Variants in STXBP5L observed in about 807,000 individuals in gnomAD.
STXBP5L encodes syntaxin-binding protein 5-like.
A neutral mutation model predicts 144.5 loss-of-function variants in STXBP5L; 65 were observed. That is an observed-to-expected ratio of 0.45 (90% confidence interval 0.37 to 0.55). The LOEUF (loss-of-function observed/expected upper bound fraction) is 0.55, where lower values mean the gene tolerates loss of function less well. STXBP5L is among the 20% of genes least tolerant of loss of function. The probability of loss-of-function intolerance (pLI) is 0.00; values close to 1 mark genes in which losing one functional copy is unlikely to be tolerated. For synonymous variants in STXBP5L, 505 were observed against 469.6 expected (o/e 1.08, Z -0.97); for missense variants, 1,298 against 1,405.5 (o/e 0.92, Z 1.22).
chr3:121,065,429 A>T (rs2041497914), intron 5 of STXBP5L, among the ~76,000 whole-genome samples: 1 of 152,176 alleles, frequency 6.6e-6, no homozygotes. Context: ...TGTTGTTACC[A>T]TATTACACTA....
At chr3:120,991,815 G>A (rs963944196) in intron 3 of STXBP5L, among the ~76,000 whole-genome samples, 2 of 148,968 alleles carry the variant, frequency 1.3e-5, no homozygotes, top group Non-Finnish European at 3.0e-5. Flanking sequence ...CTGTTGTGGG[G>A]TGGGGGCAGG....
chr3:120,970,171 T>C (rs1201990850), intron 3 of STXBP5L, among the ~76,000 whole-genome samples: 1 of 152,112 alleles, frequency 6.6e-6, no homozygotes, highest in East Asian at 1.9e-4. Context: ...TAATTATTGA[T>C]TTTAATAGGT....
chr3:121,087,762 G>A (rs764766203), intron 5 of STXBP5L, among the ~76,000 whole-genome samples: 4 of 151,610 alleles, frequency 2.6e-5, no homozygotes, highest in Non-Finnish European at 5.9e-5. Flanking sequence ...TTGCCTTTCT[G>A]TGGTTTAATT....
intron 3 of STXBP5L, among the ~76,000 whole-genome samples, chr3:120,975,832 A>G (rs1413081825): frequency 5.3e-5 from 8 of 152,060 alleles, no homozygotes; most frequent in Non-Finnish European, 1.2e-4. Context: ...TTCTGTTTAT[A>G]TGCTGGATTA....
intron 3 of STXBP5L, among the ~76,000 whole-genome samples, chr3:120,987,364 T>C (rs1289540164): frequency 6.6e-6 from 1 of 151,984 alleles, no homozygotes; most frequent in African/African-American, 2.4e-5. Context: ...TTTCATTTCA[T>C]GCTGGCTAAT....
chr3:121,376,401 A>T (rs1043941736), intron 20 of STXBP5L, among the ~76,000 whole-genome samples: 2 of 152,132 alleles, frequency 1.3e-5, no homozygotes, highest in Non-Finnish European at 2.9e-5. Flanking sequence ...TCTGGAGTTA[A>T]TTTTTGTATA....
chr3:121,081,600 T>G (rs1321899973), intron 5 of STXBP5L, among the ~76,000 whole-genome samples: 2 of 152,194 alleles, frequency 1.3e-5, no homozygotes, highest in East Asian at 3.8e-4. Flanking sequence ...GCTTATCTTG[T>G]TCTCTCATAG....
chr3:121,310,382 G>T (rs1253034596), intron 19 of STXBP5L, among the ~76,000 whole-genome samples: 1 of 151,778 alleles, frequency 6.6e-6, no homozygotes. Flanking sequence ...AGGCCGAGGC[G>T]GGTGGATCAC....
chr3:121,337,259 C>T (rs2044539501), intron 20 of STXBP5L, among the ~76,000 whole-genome samples: 1 of 151,534 alleles, frequency 6.6e-6, no homozygotes, highest in African/African-American at 2.4e-5. Context: ...AAAAGTTAAA[C>T]AAAAAAATTA....
chr3:121,268,420 G>GGGGA (rs537548662), intron 18 of STXBP5L, among the ~76,000 whole-genome samples: 1 of 152,240 alleles, frequency 6.6e-6, no homozygotes, highest in South Asian at 2.1e-4. Flanking sequence ...TGGGGTGCTA[G>GGGGA]GGGAGGGGTA....
At chr3:121,006,265 G>C (rs983349269) in intron 3 of STXBP5L, among the ~76,000 whole-genome samples, 1 of 152,186 alleles carries the variant, frequency 6.6e-6, no homozygotes, top group Non-Finnish European at 1.5e-5. Flanking sequence ...ATTTAGGATA[G>C]TTAGCTCTTC....
intron 5 of STXBP5L, among the ~76,000 whole-genome samples, chr3:121,100,213 A>G (rs2043345462): frequency 6.6e-6 from 1 of 152,110 alleles, no homozygotes; most frequent in Admixed American, 6.6e-5. Context: ...TTAACAATGA[A>G]ATTCTGGATT....
chr3:121,127,738 C>T (rs2107879851), intron 7 of STXBP5L, among the ~76,000 whole-genome samples: 1 of 152,036 alleles, frequency 6.6e-6, no homozygotes, highest in East Asian at 1.9e-4. Flanking sequence ...GAGCACTATT[C>T]AACCATTAAC....
intron 7 of STXBP5L, among the ~76,000 whole-genome samples, chr3:121,148,858 T>A (rs947654474): frequency 2.0e-5 from 3 of 152,134 alleles, no homozygotes; most frequent in African/African-American, 7.2e-5. Context: ...AATGAATAAA[T>A]TAATTTGTGG....
At chr3:121,095,024 G>T (rs1212615527) in intron 5 of STXBP5L, among the ~76,000 whole-genome samples, 1 of 151,862 alleles carries the variant, frequency 6.6e-6, no homozygotes, top group Non-Finnish European at 1.5e-5. Context: ...GTAAAGCATT[G>T]TCTGTAAAGC....
At chr3:120,997,095 G>A (rs999456880) in intron 3 of STXBP5L, among the ~76,000 whole-genome samples, 4 of 151,868 alleles carry the variant, frequency 2.6e-5, no homozygotes, top group African/African-American at 9.7e-5. Context: ...ATGGCCTCTA[G>A]CTCCATCCAT....
intron 20 of STXBP5L, among the ~76,000 whole-genome samples, chr3:121,345,176 C>A (rs2044905484): frequency 6.6e-6 from 1 of 151,974 alleles, no homozygotes; most frequent in Non-Finnish European, 1.5e-5. Context: ...CACTCCCTGA[C>A]AGGACCCCGT....
intron 14 of STXBP5L, among the ~76,000 whole-genome samples, chr3:121,249,396 A>G (rs1352758324): frequency 6.6e-6 from 1 of 152,114 alleles, no homozygotes; most frequent in Non-Finnish European, 1.5e-5. Context: ...AACATCTTAC[A>G]ATTTTCAGCA....
chr3:121,391,633 A>G (rs1411012720), intron 22 of STXBP5L, among the ~76,000 whole-genome samples: 2 of 152,150 alleles, frequency 1.3e-5, no homozygotes, highest in Admixed American at 1.3e-4. Flanking sequence ...CCTTCTAACA[A>G]TCAGGTCCCT....
Sources: gnomAD v4.1 joint callset for allele counts (sites outside exome capture counted in the v4.1 genomes callset) on GRCh38, gnomAD v4.1.1 for gene constraint, MANE v1.5 for transcripts, NCBI Gene and HGNC (gene_info 2026-07-23, HGNC 2026-07-21) for gene names.